THEMIS: variants seen among roughly 807,000 people sequenced by gnomAD.
THEMIS encodes the protein protein THEMIS.
THEMIS carries 37 observed loss-of-function variants against 52.6 expected under a neutral mutation model. The observed-to-expected ratio is 0.70, with a 90% CI of 0.54 to 0.93. The LOEUF (loss-of-function observed/expected upper bound fraction) is 0.93, where lower values mean the gene tolerates loss of function less well. Ranked by LOEUF, THEMIS falls within the 40% of genes least tolerant of loss-of-function variation. The probability of loss-of-function intolerance (pLI) is 0.00; values close to 1 mark genes in which losing one functional copy is unlikely to be tolerated. For synonymous variants in THEMIS, 292 were observed against 272.7 expected (o/e 1.07, Z -0.70); for missense variants, 808 against 763.1 (o/e 1.06, Z -0.69).
intron 5 of THEMIS, 110 bp downstream of exon 5, chr6:127,719,578 G>T: frequency 1.0e-6 from 1 of 1,001,858 alleles, no homozygotes; most frequent in Non-Finnish European, 1.4e-6. Flanking sequence ...GATCACTTGG[G>T]CTGAGTCATA....
intron 4 of THEMIS, among the ~76,000 whole-genome samples, chr6:127,793,004 C>T (rs1200600958): frequency 6.6e-6 from 1 of 152,188 alleles, no homozygotes; most frequent in African/African-American, 2.4e-5. Context: ...TTTCATTCCA[C>T]AGCCTCTCAA....
At chr6:127,719,596 A>C in intron 5 of THEMIS, 92 bp downstream of exon 5, 1 of 1,234,848 alleles carries the variant, frequency 8.1e-7, no homozygotes, top group African/African-American at 1.5e-5. Flanking sequence ...ATATATTCCA[A>C]ATAAAATAAT....
chr6:127,731,058 T>G lies in THEMIS; in HGVS notation c.1759-11235A>C, dbSNP rs1004963667. Among the ~76,000 whole-genome samples the G allele has an allele frequency of 3.9e-5, 6 of 152,380 alleles. No individual in the cohort carries two copies. The South Asian group carries it at 6.2e-4, about 16-fold the overall frequency. ...CACTGTATTTTTAAAACTTTGCTTCTATAAATTAGGCATATTTAGTACATC... is the reference window on the plus strand; with the variant it reads ...CACTGTATTTTTAAAACTTTGCTTCGATAAATTAGGCATATTTAGTACATC... On this transcript the variant is annotated intron_variant, in intron 4 of 5. Coordinates refer to ENST00000368248, the MANE Select transcript of THEMIS (RefSeq NM_001010923.3).
At chr6:127,700,453 T>C in the THEMIS span, among the ~76,000 whole-genome samples, 1 of 151,998 alleles carries the variant, frequency 6.6e-6, no homozygotes, top group South Asian at 2.1e-4. Flanking sequence ...AGTACTTTGA[T>C]AACATGCACT....
At chr6:127,767,525 A>G (rs1008869795) in intron 4 of THEMIS, among the ~76,000 whole-genome samples, 1 of 152,190 alleles carries the variant, frequency 6.6e-6, no homozygotes, top group Non-Finnish European at 1.5e-5. Flanking sequence ...GGTCATGGTC[A>G]TCAACATCAC....
chr6:127,749,386 G>A (rs1484430953), intron 4 of THEMIS, among the ~76,000 whole-genome samples: 1 of 151,970 alleles, frequency 6.6e-6, no homozygotes, highest in East Asian at 1.9e-4. Context: ...TAGCGGGGAA[G>A]GAAAGTCTTC....
intron 4 of THEMIS, among the ~76,000 whole-genome samples, chr6:127,757,457 A>G (rs1340989381): frequency 6.6e-6 from 1 of 152,128 alleles, no homozygotes; most frequent in Non-Finnish European, 1.5e-5. Flanking sequence ...ATGTAAGTGA[A>G]AGTGATACAT....
chr6:127,824,957 AC>A (rs2114646112), intron 3 of THEMIS, among the ~76,000 whole-genome samples: 1 of 135,538 alleles, frequency 7.4e-6, no homozygotes. Flanking sequence ...AACAAACAAA[AC>A]TAACTGAAAT....
intron 4 of THEMIS, among the ~76,000 whole-genome samples, chr6:127,757,436 CAT>C (rs1041228039): frequency 1.3e-4 from 19 of 151,132 alleles, no homozygotes; most frequent in Admixed American, 7.9e-4. Flanking sequence ...ACTATATTTA[CAT>C]ATATATATAT....
At chr6:127,911,802 G>A (rs1444062818) in intron 1 of THEMIS, among the ~76,000 whole-genome samples, 1 of 151,470 alleles carries the variant, frequency 6.6e-6, no homozygotes, top group African/African-American at 2.5e-5. Context: ...AACTTTGCTA[G>A]GGCAGTGCAG....
At chr6:127,829,440 C>T (rs774216146) in intron 3 of THEMIS, 36 bp downstream of exon 3, 19 of 1,517,134 alleles carry the variant, frequency 1.3e-5, no homozygotes, top group Non-Finnish European at 1.7e-5. Flanking sequence ...CCATAATGCT[C>T]ATGCTCATAG....
chr6:127,752,785 T>TA (rs1296421705), intron 4 of THEMIS, among the ~76,000 whole-genome samples: 7 of 151,808 alleles, frequency 4.6e-5, no homozygotes. Flanking sequence ...CAAACTCTTC[T>TA]AAAAAATTAA....
In THEMIS at chr6:127,845,053, T is replaced by TAA. The variant is rs397885879; in HGVS notation, c.250+9975_250+9976dup. ...GTTCAGATCCCCATTCAAATTTTAG[T>TAA]AAAAAAAAAAAAGGCTCCAGTATAT... On this transcript the variant is annotated intron_variant, in intron 2 of 5. Coordinates refer to ENST00000368248, the MANE Select transcript of THEMIS (RefSeq NM_001010923.3). Among the ~76,000 whole-genome samples the TAA allele has an allele frequency of 1.3e-4, 18 of 141,966 alleles. No homozygotes were observed. In the East Asian group the frequency reaches 1.4e-3, roughly 11 times the overall value. 93.1% of individuals were successfully genotyped at this position (141,966 alleles called of 152,430 possible). A position where few individuals can be genotyped will look rare whatever the true frequency, so the allele number is the denominator to read the frequency against.
At chr6:127,791,180 G>T (rs1777142425) in intron 4 of THEMIS, among the ~76,000 whole-genome samples, 1 of 152,192 alleles carries the variant, frequency 6.6e-6, no homozygotes, top group Admixed American at 6.5e-5. Flanking sequence ...GAGTTATGCA[G>T]ACAAGTAGAG....
At chr6:127,859,344 TC>T (rs1241826184) in intron 1 of THEMIS, among the ~76,000 whole-genome samples, 2 of 152,166 alleles carry the variant, frequency 1.3e-5, no homozygotes, top group African/African-American at 4.8e-5. Flanking sequence ...TGATAGCACT[TC>T]ATGCGTATCT....
At chr6:127,785,868 T>C (rs1403445904) in intron 4 of THEMIS, among the ~76,000 whole-genome samples, 2 of 152,074 alleles carry the variant, frequency 1.3e-5, no homozygotes, top group Admixed American at 1.3e-4. Context: ...ATATTTTGAA[T>C]TAGCCATTGT....
At chr6:127,909,916 T>C (rs866863475) in intron 1 of THEMIS, 1 of 152,138 alleles carries the variant, frequency 6.6e-6, no homozygotes, top group Non-Finnish European at 1.5e-5. Flanking sequence ...CAAACTAAGA[T>C]AATGATACAC....
intron 2 of THEMIS, among the ~76,000 whole-genome samples, chr6:127,847,886 T>G (rs1029789047): frequency 2.8e-5 from 4 of 141,634 alleles, no homozygotes; most frequent in Non-Finnish European, 6.2e-5. Context: ...TTACTCAATT[T>G]CAAATTATTA....
At chr6:127,804,844 T>C (rs1213260093) in intron 4 of THEMIS, among the ~76,000 whole-genome samples, 1 of 152,174 alleles carries the variant, frequency 6.6e-6, no homozygotes, top group Non-Finnish European at 1.5e-5. Context: ...AAGCATTTGA[T>C]AACAACAACA....
Sources: gnomAD v4.1 joint callset for allele counts (sites outside exome capture counted in the v4.1 genomes callset) on GRCh38, gnomAD v4.1.1 for gene constraint, MANE v1.5 for transcripts, NCBI Gene and HGNC (gene_info 2026-07-23, HGNC 2026-07-21) for gene names.